TMIGD3: variants seen among roughly 807,000 people sequenced by gnomAD.
TMIGD3 encodes the protein AD026 protein (AD026).
Under a neutral mutation model 28.1 loss-of-function variants are expected in TMIGD3, and 21 were observed. The ratio of observed to expected loss-of-function variants is 0.75; its 90% CI spans 0.53 to 1.08. The LOEUF (loss-of-function observed/expected upper bound fraction) is 1.08, where lower values mean the gene tolerates loss of function less well. Ranked by LOEUF, TMIGD3 falls within the 50% of genes least tolerant of loss-of-function variation. The probability of loss-of-function intolerance (pLI) is 0.00; values close to 1 mark genes in which losing one functional copy is unlikely to be tolerated. For missense variants in TMIGD3, 416 were observed against 435.6 expected, an observed-to-expected ratio of 0.96 and a Z score of 0.40; for synonymous variants, 151 against 162.1, an observed-to-expected ratio of 0.93 and a Z score of 0.52.
intron 1 of TMIGD3, among the ~76,000 whole-genome samples, chr1:111,540,260 G>C (rs1656774637): frequency 6.6e-6 from 1 of 152,212 alleles, no homozygotes; most frequent in Non-Finnish European, 1.5e-5. Context: ...GCAGCACCCA[G>C]AATGTTTTGA....
At chr1:111,509,481 C>T (rs1485031026) in intron 1 of TMIGD3, among the ~76,000 whole-genome samples, 1 of 152,126 alleles carries the variant, frequency 6.6e-6, no homozygotes, top group Non-Finnish European at 1.5e-5. Context: ...GACTTTGGAT[C>T]CCGGTGTTGA....
At chr1:111,494,625 T>C (rs1021821496) in intron 1 of TMIGD3, among the ~76,000 whole-genome samples, 1 of 152,174 alleles carries the variant, frequency 6.6e-6, no homozygotes, top group African/African-American at 2.4e-5. Context: ...ACAGATTCAA[T>C]GTGATTCCTA....
At chr1:111,527,417 C>T (rs1026031342) in intron 1 of TMIGD3, among the ~76,000 whole-genome samples, 2 of 152,232 alleles carry the variant, frequency 1.3e-5, no homozygotes, top group Non-Finnish European at 2.9e-5. Context: ...TACTGTAAAA[C>T]ATCTTGTTTA....
chr1:111,486,629 T>G lies in TMIGD3; in HGVS notation c.829A>C (p.Ser277Arg). The G allele has an allele frequency of 6.2e-7, 1 of 1,613,864 alleles. No homozygotes were observed. Among genetic ancestry groups the G allele is most frequent in the Admixed American group, 1.7e-5 (1 of 60,012 alleles). ...GKDLSGNKTR[S>R]CKAPKVVRKA... is the part of the protein sequence containing the mutation. ...CGGACAACTTTGGGAGCCTTGCAGC[T>G]TCTGGTTTTGTTGCCTGATAGGTCT... Residue 277 changes from serine to arginine, a missense_variant, in exon 4 of 6, where the codon AGC (serine) becomes CGC (arginine). Transcript: ENST00000369716.
chr1:111,562,825 G>A (rs1193495583), intron 1 of TMIGD3, among the ~76,000 whole-genome samples: 2 of 152,170 alleles, frequency 1.3e-5, no homozygotes, highest in Non-Finnish European at 2.9e-5. Context: ...GCTTTCTTTG[G>A]TTTGCTTTTA....
chr1:111,504,146 A>T (rs1655393018), upstream of TMIGD3: 2 of 985,260 alleles, frequency 2.0e-6, no homozygotes, highest in African/African-American at 3.5e-5. Context: ...ATAAGCAAAG[A>T]TTCCCTGCTC....
At chr1:111,509,796 C>T (rs1421702002) in intron 1 of TMIGD3, among the ~76,000 whole-genome samples, 1 of 152,232 alleles carries the variant, frequency 6.6e-6, no homozygotes, top group Non-Finnish European at 1.5e-5. Context: ...GGCACTATGC[C>T]AGGTGTTTTG....
chr1:111,553,501 A>G (rs952545977), intron 1 of TMIGD3, among the ~76,000 whole-genome samples: 1 of 152,244 alleles, frequency 6.6e-6, no homozygotes, highest in Non-Finnish European at 1.5e-5. Context: ...TTACATGCAG[A>G]GTAAAATCTC....
At chr1:111,502,154 G>T (rs1312768670) in intron 1 of TMIGD3, among the ~76,000 whole-genome samples, 1 of 75,380 alleles carries the variant, frequency 1.3e-5, no homozygotes. Context: ...TAAATATATA[G>T]GATATATATT....
At chr1:111,528,023 T>C (rs1376689132) in intron 1 of TMIGD3, among the ~76,000 whole-genome samples, 1 of 148,448 alleles carries the variant, frequency 6.7e-6, no homozygotes, top group Non-Finnish European at 1.5e-5. Context: ...AGCTTGTCAA[T>C]TTTTTTTTTC....
At chr1:111,500,347 A>G (rs1370992022) in intron 1 of TMIGD3, 2 of 1,614,256 alleles carry the variant, frequency 1.2e-6, no homozygotes, top group East Asian at 4.5e-5. Flanking sequence ...CAGGGGGATG[A>G]AAATCCAGGT....
intron 1 of TMIGD3, among the ~76,000 whole-genome samples, chr1:111,520,855 G>T (rs1452469365): frequency 6.6e-6 from 1 of 152,170 alleles, no homozygotes; most frequent in Non-Finnish European, 1.5e-5. Context: ...AGTCTAATTA[G>T]CATGCAATAA....
At chr1:111,536,778 T>C (rs979053437) in intron 1 of TMIGD3, among the ~76,000 whole-genome samples, 1 of 152,120 alleles carries the variant, frequency 6.6e-6, no homozygotes, top group Non-Finnish European at 1.5e-5. Context: ...TCCTTCCCTG[T>C]GCCAAGCACT....
intron 1 of TMIGD3, among the ~76,000 whole-genome samples, chr1:111,543,284 A>G (rs994724653): frequency 3.3e-5 from 5 of 152,086 alleles, no homozygotes; most frequent in African/African-American, 4.8e-5. Context: ...ATAAATATAT[A>G]TATATATTTC....
At chr1:111,513,797 C>A (rs1655769925) in intron 1 of TMIGD3, among the ~76,000 whole-genome samples, 2 of 152,116 alleles carry the variant, frequency 1.3e-5, no homozygotes, top group Admixed American at 6.5e-5. Context: ...GAGTTGGCGC[C>A]CTCTCCATTT....
rs546171852 is a variant in TMIGD3, at chr1:111,524,040, T to C, written c.108-33278A>G. ...CTTTCTTTCTTTTCTTTTTTTTTTTTTTTTTTTGGGATGGAATCTTGCTCT... is the reference window on the plus strand; with the variant it reads ...CTTTCTTTCTTTTCTTTTTTTTTTTCTTTTTTTGGGATGGAATCTTGCTCT... On this transcript the variant is annotated intron_variant, in intron 1 of 5. Coordinates refer to the TMIGD3 transcript ENST00000369717. 3.7e-5 allele frequency among the ~76,000 whole-genome samples: 5 copies of C among 134,312 alleles called. No homozygotes were observed. The East Asian group carries it at 9.9e-4, about 27-fold the overall frequency. 88.1% of individuals were successfully genotyped at this position (134,312 alleles called of 152,430 possible).
intron 1 of TMIGD3, among the ~76,000 whole-genome samples, chr1:111,502,126 G>A (rs1655225538): frequency 4.8e-5 from 3 of 62,074 alleles, no homozygotes; most frequent in South Asian, 4.3e-4. Flanking sequence ...AAATATATAG[G>A]ATATATATTT....
intron 1 of TMIGD3, among the ~76,000 whole-genome samples, chr1:111,509,732 C>T (rs116519015): frequency 1.2e-4 from 18 of 152,352 alleles, no homozygotes; most frequent in South Asian, 6.2e-4. Flanking sequence ...AAGGTCATTT[C>T]GTAATTATTA....
At chr1:111,500,111 T>C in intron 1 of TMIGD3, 1 of 1,614,174 alleles carries the variant, frequency 6.2e-7, no homozygotes, top group Non-Finnish European at 8.5e-7. Context: ...AGGATGCCCA[T>C]GTACAGCACA....
Sources: gnomAD v4.1 joint callset for allele counts (sites outside exome capture counted in the v4.1 genomes callset) on GRCh38, gnomAD v4.1.1 for gene constraint, MANE v1.5 for transcripts, NCBI Gene and HGNC (gene_info 2026-07-23, HGNC 2026-07-21) for gene names.